Variants in ELMOD3 observed in about 807,000 individuals in gnomAD.
ELMOD3 encodes ELMO domain containing 3, also known as ELMO domain-containing protein 3.
Under a neutral mutation model 47.4 loss-of-function variants are expected in ELMOD3, and 36 were observed. The observed-to-expected ratio is 0.76, with a 90% CI of 0.58 to 1.00. The LOEUF is 1.00. ELMOD3 is among the 50% of genes least tolerant of loss of function. The pLI is 0.00. For missense variants in ELMOD3, 404 were observed against 463.8 expected (o/e 0.87, Z 1.18); for synonymous variants, 149 against 183.5 (o/e 0.81, Z 1.52).
chr2:85,378,039 A>T (rs1380630704), intron 11 of ELMOD3, among the ~76,000 whole-genome samples: 1 of 152,262 alleles, frequency 6.6e-6, no homozygotes, highest in Non-Finnish European at 1.5e-5. Flanking sequence ...AACACCTTCA[A>T]ATAAGGAAGA....
At chr2:85,374,701 A>G in intron 10 of ELMOD3, among the ~76,000 whole-genome samples, 1 of 151,844 alleles carries the variant, frequency 6.6e-6, no homozygotes, top group Middle Eastern at 3.2e-3. Flanking sequence ...AGTCCCAGCT[A>G]CTGGGGAGGC....
chr2:85,377,528 TGAGTGGCCGA>T, intron 11 of ELMOD3, 54 bp downstream of exon 11: 1 of 1,552,934 alleles, frequency 6.4e-7, no homozygotes, highest in Non-Finnish European at 8.7e-7. Context: ...AGCTAGGACC[TGAGTGGCCGA>T]GAGGGCTCCC....
At chr2:85,358,779 A>C (rs186808070) in intron 4 of ELMOD3, among the ~76,000 whole-genome samples, 1 of 152,188 alleles carries the variant, frequency 6.6e-6, no homozygotes, top group East Asian at 1.9e-4. Context: ...AAATGCAAAA[A>C]GTACAGAACG....
chr2:85,370,157 T>C (rs1354152494), intron 8 of ELMOD3, among the ~76,000 whole-genome samples: 1 of 152,158 alleles, frequency 6.6e-6, no homozygotes, highest in East Asian at 1.9e-4. Flanking sequence ...GCTGAGTGAT[T>C]CATGGCCAGT....
intron 10 of ELMOD3, among the ~76,000 whole-genome samples, chr2:85,374,112 C>T (rs1228672380): frequency 6.6e-6 from 1 of 151,934 alleles, no homozygotes; most frequent in Non-Finnish European, 1.5e-5. Context: ...TGTGCTACTT[C>T]CTTCTGGCCT....
intron 6 of ELMOD3, among the ~76,000 whole-genome samples, chr2:85,365,340 ACTT>A (rs996602927): frequency 3.3e-5 from 5 of 150,866 alleles, no homozygotes; most frequent in African/African-American, 9.7e-5. Context: ...ACAGAGCGAG[ACTT>A]CTTCTCAAAA....
intron 1 of ELMOD3, 75 bp downstream of exon 1, chr2:85,354,904 G>A (rs1276834664): frequency 5.7e-6 from 1 of 174,472 alleles, no homozygotes; most frequent in Non-Finnish European, 1.2e-5. Context: ...TGAGGAGGGA[G>A]GGAGAATGTG....
intron 4 of ELMOD3, 28 bp downstream of exon 4, chr2:85,357,280 G>T (rs1683630410): frequency 6.6e-7 from 1 of 1,507,132 alleles, no homozygotes; most frequent in Non-Finnish European, 9.2e-7. Context: ...TTTGGGAAAG[G>T]TGGTGTTGGT....
At position 85,389,829 on chromosome 2, in the gene ELMOD3, T is replaced by C; in HGVS notation, c.815+2T>C. 6.2e-7 allele frequency: 1 copy of C among 1,613,040 alleles called. No homozygotes were observed. Among genetic ancestry groups the C allele is most frequent in the Non-Finnish European group, 8.5e-7 (1 of 1,179,034 alleles). Reference sequence around the variant, plus strand: ...CTTGAGAGAGGAGTGTCTCTCCAGGTGAGTCCCCAAACACCAGCTGGTTAG... The same window carrying C: ...CTTGAGAGAGGAGTGTCTCTCCAGGCGAGTCCCCAAACACCAGCTGGTTAG... On this transcript the variant is annotated splice_donor_variant, in intron 12 of 13. Transcript: ENST00000409013. LOFTEE classifies it high-confidence loss of function.
intron 11 of ELMOD3, among the ~76,000 whole-genome samples, chr2:85,381,112 C>A (rs1276574922): frequency 6.6e-6 from 1 of 152,166 alleles, no homozygotes; most frequent in African/African-American, 2.4e-5. Flanking sequence ...TCATATTTGA[C>A]AATGCTTCCT....
intron 13 of ELMOD3, 173 bp downstream of exon 13, chr2:85,390,438 T>C (rs1686265359): frequency 4.3e-6 from 7 of 1,614,190 alleles, no homozygotes; most frequent in Non-Finnish European, 5.9e-6. Flanking sequence ...CTAGTTCTCC[T>C]TTCTCTGCCC....
chr2:85,368,654 T>C lies in ELMOD3; in HGVS notation c.200-32T>C, dbSNP rs143127882. 382 of 1,611,894 alleles carry C rather than the reference T, an allele frequency of 2.4e-4. 4 individuals carry two copies. The East Asian group carries it at 8.1e-3, about 34-fold the overall frequency. On this transcript the variant is annotated intron_variant, in intron 6 of 13. Coordinates refer to ENST00000409013, the MANE Select transcript of ELMOD3 (RefSeq NM_001135022.2). Reference sequence around the variant, plus strand: ...GTAGAGGCCCAGACATACCTAGATCTCAGAGGGTCTCCTTTTCTCCTACTA... The same window carrying C: ...GTAGAGGCCCAGACATACCTAGATCCCAGAGGGTCTCCTTTTCTCCTACTA...
intron 6 of ELMOD3, among the ~76,000 whole-genome samples, chr2:85,366,133 T>A (rs983636092): frequency 3.3e-5 from 5 of 151,212 alleles, no homozygotes; most frequent in Non-Finnish European, 5.9e-5. Flanking sequence ...AATTTTTTTT[T>A]TTTTTTTTTG....
At chr2:85,373,980 C>G (rs1448113636) in intron 10 of ELMOD3, among the ~76,000 whole-genome samples, 2 of 119,752 alleles carry the variant, frequency 1.7e-5, no homozygotes, top group African/African-American at 3.2e-5. Context: ...TAGGATAGGT[C>G]TGCTGGCTAT....
rs372644416 is a variant in ELMOD3, at chr2:85,374,978, G to A, written c.608-2366G>A. 1.6e-4 allele frequency among the ~76,000 whole-genome samples: 24 copies of A among 152,152 alleles called. No individual in the cohort carries two copies. In the East Asian group the frequency reaches 1.9e-3, roughly 12 times the overall value. On this transcript the variant is annotated intron_variant, in intron 10 of 13. Transcript: ENST00000409013. ...ATACAAAAATTAGCCAGGCATGGTG[G>A]CATGTGCCTATAGTCACAGCTGCTT...
At chr2:85,387,698 G>A (rs1384623026) in intron 11 of ELMOD3, among the ~76,000 whole-genome samples, 2 of 148,986 alleles carry the variant, frequency 1.3e-5, no homozygotes, top group African/African-American at 5.0e-5. Context: ...TCTGTCTCTT[G>A]GAGTTGTTGT....
In ELMOD3 at chr2:85,391,623, T is replaced by C. The variant is rs1686362013; in HGVS notation, c.*661T>C. 6.5e-6 allele frequency: 1 copy of C among 152,850 alleles called. No individual in the cohort carries two copies. The highest frequency in any genetic ancestry group is 2.4e-5 in the African/African-American group (1 of 41,468). The allele number at this position is 152,850 out of a possible 1,614,324, so 9.5% of individuals were successfully genotyped here. On this transcript the variant is annotated 3_prime_UTR_variant, in exon 14 of 14. Transcript: ENST00000409013. ...CTAGGTGTCTCTCACGGCTGCTCCA[T>C]CCTAGCCCCCACAAGCTGGGGCTTC...
chr2:85,366,302 C>T (rs1178410902), intron 6 of ELMOD3, among the ~76,000 whole-genome samples: 1 of 152,002 alleles, frequency 6.6e-6, no homozygotes, highest in Non-Finnish European at 1.5e-5. Context: ...CCACTTTGTC[C>T]CTCCTTTTTA....
chr2:85,389,953 G>T, intron 12 of ELMOD3, 126 bp downstream of exon 12: 1 of 1,077,298 alleles, frequency 9.3e-7, no homozygotes. Context: ...AAGTCCCCAT[G>T]CACCGGTCTC....
Sources: allele counts gnomAD v4.1 joint callset (sites outside exome capture counted in the v4.1 genomes callset), GRCh38; gene constraint gnomAD v4.1.1; transcripts MANE v1.5; gene names NCBI Gene and HGNC (gene_info 2026-07-23, HGNC 2026-07-21).